The following KCNAB2 variants were observed in gnomAD, a reference collection of about 807,000 sequenced individuals.
KCNAB2 encodes voltage-gated potassium channel subunit beta-2.
A neutral mutation model predicts 63.6 loss-of-function variants in KCNAB2; 29 were observed. The ratio of observed to expected loss-of-function variants is 0.46; its 90% confidence interval spans 0.34 to 0.62. The LOEUF is 0.62. KCNAB2 is among the 20% of genes least tolerant of loss of function. The pLI is 0.01. For missense variants in KCNAB2, 359 were observed against 563.9 expected (o/e 0.64, Z 3.68); for synonymous variants, 222 against 224.2 (o/e 0.99, Z 0.09).
At position 6,071,472 on chromosome 1, in the gene KCNAB2, T is replaced by C. The variant is rs1015439891; in HGVS notation, c.219-1283T>C. The stretch of plus-strand genomic sequence containing the variant: ...CCGGCCACTTGTCAACCTCACCATC[T>C]GGGCAGATCACGCCCTGCTTAACAG... On this transcript the variant is annotated intron_variant, in intron 2 of 15. Coordinates refer to ENST00000378083, the MANE Select transcript of KCNAB2 (RefSeq NM_001199862.2). The surrounding 1 kb of genome is among the most constrained non-coding windows in gnomAD (Gnocchi z 8.5). Among the ~76,000 whole-genome samples the C allele has an allele frequency of 1.3e-5, 2 of 152,318 alleles. No homozygotes were observed. Among genetic ancestry groups the C allele is most frequent in the East Asian group, 3.9e-4 (2 of 5,172 alleles).
At position 6,036,219 on chromosome 1, in the gene KCNAB2, T is replaced by C. The variant is rs189236779; in HGVS notation, c.-53+1425T>C. On this transcript the variant is annotated intron_variant, in intron 1 of 15. Coordinates refer to the KCNAB2 transcript ENST00000164247. Reference sequence around the variant, plus strand: ...AAGTGGGTCTAAGAAACTGCTTTTTTAGGCCGAGTGAGGTGGCTCACATCT... The same window carrying C: ...AAGTGGGTCTAAGAAACTGCTTTTTCAGGCCGAGTGAGGTGGCTCACATCT... 1.3e-4 allele frequency among the ~76,000 whole-genome samples: 20 copies of C among 152,338 alleles called. No homozygotes were observed. The East Asian group carries it at 3.7e-3, about 28-fold the overall frequency.
chr1:6,089,165 T>C, intron 8 of KCNAB2, 114 bp downstream of exon 8: 2 of 1,135,208 alleles, frequency 1.8e-6, no homozygotes, highest in South Asian at 1.3e-5. Flanking sequence ...GAGGGCCCAA[T>C]CCCGGGGCAC....
At position 6,069,162 on chromosome 1, in the gene KCNAB2, G is replaced by A. The variant is rs546180084; in HGVS notation, c.219-3593G>A. On this transcript the variant is annotated intron_variant, in intron 2 of 15. Transcript: ENST00000378083. The surrounding 1 kb of genome is among the most constrained non-coding windows in gnomAD (Gnocchi z 5.4). Reference sequence around the variant, plus strand: ...CCTGGAATCTCGGAGCAGGGCAGGCGTGCAAACATCATCACTGCACGGAGC... The same window carrying A: ...CCTGGAATCTCGGAGCAGGGCAGGCATGCAAACATCATCACTGCACGGAGC... Among the ~76,000 whole-genome samples the A allele has an allele frequency of 7.9e-5, 12 of 152,308 alleles. No homozygotes were observed. The South Asian group carries it at 8.3e-4, about 11-fold the overall frequency.
chr1:6,070,884 G>T (rs543371258), intron 2 of KCNAB2, among the ~76,000 whole-genome samples: 62 of 152,316 alleles, frequency 4.1e-4, no homozygotes, highest in African/African-American at 1.3e-3. Flanking sequence ...CCCCTTTCCT[G>T]AAAGAAAACT....
intron 7 of KCNAB2, among the ~76,000 whole-genome samples, chr1:6,088,540 G>A (rs984787839): frequency 6.6e-6 from 1 of 151,464 alleles, no homozygotes; most frequent in Non-Finnish European, 1.5e-5. Flanking sequence ...GAGCCACCAC[G>A]CCTGGCATTA....
At chr1:6,041,918 G>T, upstream of KCNAB2, 1 of 1,556,714 alleles carries the variant, frequency 6.4e-7, no homozygotes. Flanking sequence ...CCGAAGGCCA[G>T]GGAGCGGGTG....
At chr1:6,044,405 G>A (rs1361290440), upstream of KCNAB2, among the ~76,000 whole-genome samples, 1 of 152,206 alleles carries the variant, frequency 6.6e-6, no homozygotes, top group Non-Finnish European at 1.5e-5. Context: ...GCAGGGGCTT[G>A]GATCTGGTCC....
chr1:6,025,883 CCGA>C (rs1659125600), intron 1 of KCNAB2: 1 of 147,820 alleles, frequency 6.8e-6, no homozygotes, highest in African/African-American at 2.5e-5. Context: ...CGGCACACAG[CCGA>C]TCCCGGCACA....
chr1:6,095,586 G>A lies in KCNAB2; in HGVS notation c.910G>A (p.Asp304Asn), dbSNP rs761366970. 27 of 1,613,312 alleles carry A rather than the reference G, an allele frequency of 1.7e-5. No homozygotes were observed. The highest frequency in any genetic ancestry group is 4.4e-5 in the South Asian group (4 of 91,080). The change falls in exon 13 of 16, where the codon GAC (aspartate) becomes AAC (asparagine). Residue 304 changes from aspartate (D) to asparagine (N), a missense_variant. By Grantham distance (23) the Asp-to-Asn change is conservative (BLOSUM62 1). This residue lies in a region of KCNAB2 where 271 missense variants were observed against 476.1 expected (regional missense o/e 0.57). Coordinates refer to ENST00000378083, the MANE Select transcript of KCNAB2 (RefSeq NM_001199862.2). ...CTGTGGCATTGTTTCTGGCAAGTAC[G>A]ACAGTGGCATCCCACCCTACTCAAG... ...LACGIVSGKY[D>N]SGIPPYSRAS... is the part of the protein sequence containing the mutation.
At chr1:6,060,103 T>C (rs1235615529) in intron 2 of KCNAB2, among the ~76,000 whole-genome samples, 1 of 152,146 alleles carries the variant, frequency 6.6e-6, no homozygotes, top group Non-Finnish European at 1.5e-5. Context: ...GTCACCCTAC[T>C]CCAGACACAG....
chr1:6,055,050 C>T (rs999794134), intron 2 of KCNAB2, among the ~76,000 whole-genome samples: 1 of 152,150 alleles, frequency 6.6e-6, no homozygotes, highest in Non-Finnish European at 1.5e-5. Flanking sequence ...CCACGAGATG[C>T]TGGAAGGGAC....
Position 6,087,457 on chromosome 1 carries a change from T to C in KCNAB2, c.426-10T>C, listed in dbSNP as rs1664798793. The C allele has an allele frequency of 6.2e-7, 1 of 1,614,122 alleles. No individual in the cohort carries two copies. Among genetic ancestry groups the C allele is most frequent in the South Asian group, 1.1e-5 (1 of 91,080 alleles). On this transcript the variant is annotated splice_polypyrimidine_tract_variant and intron_variant, in intron 6 of 15. Coordinates refer to ENST00000378083, the MANE Select transcript of KCNAB2 (RefSeq NM_001199862.2). This position sits in a 1 kb window ranked among gnomAD's most constrained non-coding sequence, Gnocchi z 6.4. Reference sequence around the variant, plus strand: ...CTTATCACACCCCTTCTTTCTCTTCTGTTCCACAGGCGGTCCAGCCTCGTC... The same window carrying C: ...CTTATCACACCCCTTCTTTCTCTTCCGTTCCACAGGCGGTCCAGCCTCGTC...
In KCNAB2 at chr1:6,028,079, A is replaced by G. The variant is rs1659324247; in HGVS notation, c.-52-12438A>G. On this transcript the variant is annotated intron_variant, in intron 1 of 16. Coordinates refer to the KCNAB2 transcript ENST00000341524. The surrounding 1 kb of genome is among the most constrained non-coding windows in gnomAD (Gnocchi z 4.0). ...AAATGGGCCTTTCTTCCAGATCCCC[A>G]TCATGACCCACCAGGCCAACGGCCC... Among the ~76,000 whole-genome samples, 1 of 152,200 alleles carries G rather than the reference A, an allele frequency of 6.6e-6. No individual in the cohort carries two copies. Among genetic ancestry groups the G allele is most frequent in the African/African-American group, 2.4e-5 (1 of 41,446 alleles).
intron 1 of KCNAB2, among the ~76,000 whole-genome samples, chr1:5,997,640 C>T (rs540324537): frequency 7.9e-5 from 12 of 152,306 alleles, no homozygotes; most frequent in African/African-American, 2.9e-4. Context: ...GCCCTGGTAT[C>T]CACAGGCTCT....
At chr1:6,063,413 T>C (rs1662486225) in intron 2 of KCNAB2, among the ~76,000 whole-genome samples, 1 of 131,110 alleles carries the variant, frequency 7.6e-6, no homozygotes, top group Non-Finnish European at 1.5e-5. Flanking sequence ...CCAGTAATTT[T>C]TTTTTTTTTT....
In KCNAB2 at chr1:6,100,424, G is replaced by C. The variant is rs1665956065; in HGVS notation, c.*1850G>C. The C allele has an allele frequency of 5.8e-6, 1 of 173,760 alleles. No individual in the cohort carries two copies. The highest frequency in any genetic ancestry group is 1.2e-5 in the Non-Finnish European group (1 of 82,766). The allele number at this position is 173,760 out of a possible 1,614,324, so 10.8% of individuals were successfully genotyped here. On this transcript the variant is annotated 3_prime_UTR_variant, in exon 16 of 16. Transcript: ENST00000378083. ...TCCCAGCCTATGGCCCTGGGCCCAG[G>C]TGGGGGTCGCCTGCTTCCTTCCCGG...
intron 2 of KCNAB2, among the ~76,000 whole-genome samples, chr1:6,068,512 C>A (rs1211141963): frequency 6.6e-6 from 1 of 152,200 alleles, no homozygotes; most frequent in East Asian, 1.9e-4. Context: ...CCGCCTTATA[C>A]CTGGCCAGGC....
At chr1:6,009,905 C>G (rs1156461901) in intron 1 of KCNAB2, among the ~76,000 whole-genome samples, 1 of 147,344 alleles carries the variant, frequency 6.8e-6, no homozygotes, top group Non-Finnish European at 1.5e-5. Context: ...GGGTCTCACT[C>G]TGCCGCCCAG....
rs961696987 is a variant in KCNAB2, at chr1:6,099,885, C to T, written c.*1311C>T. 6.5e-7 allele frequency: 1 copy of T among 1,550,216 alleles called. No homozygotes were observed. Among genetic ancestry groups the T allele is most frequent in the Non-Finnish European group, 8.7e-7 (1 of 1,146,806 alleles). On this transcript the variant is annotated 3_prime_UTR_variant, in exon 16 of 16. Coordinates refer to ENST00000378083, the MANE Select transcript of KCNAB2 (RefSeq NM_001199862.2). ...CCCCCGTGCAGCTTGGGCCGGAGGG[C>T]AAGGGATGCCAGTAAGTCTGCAGGT... is the stretch of plus-strand genomic sequence containing the variant.
Sources: gnomAD v4.1 joint callset for allele counts (sites outside exome capture counted in the v4.1 genomes callset) on GRCh38, gnomAD v4.1.1 for gene constraint, gnomAD v4.1.1 regional missense constraint, Gnocchi (gnomAD v3.1) non-coding constraint, MANE v1.5 for transcripts, NCBI Gene and HGNC (gene_info 2026-07-23, HGNC 2026-07-21) for gene names.